Variants in TANGO6 observed in about 807,000 individuals in gnomAD.
TANGO6 encodes transport and golgi organization 6 homolog.
A neutral mutation model predicts 114.2 loss-of-function variants in TANGO6; 90 were observed. That is an observed-to-expected ratio of 0.79 (90% CI 0.66 to 0.94). The LOEUF (loss-of-function observed/expected upper bound fraction) is 0.94. Ranked by LOEUF, TANGO6 falls within the 40% of genes least tolerant of loss-of-function variation. The pLI is 0.00. For missense variants in TANGO6, 1,274 were observed against 1,315.3 expected, an observed-to-expected ratio of 0.97 and a Z score of 0.49; for synonymous variants, 477 against 509.8, an observed-to-expected ratio of 0.94 and a Z score of 0.87.
rs149281308 is a variant in TANGO6, at chr16:69,028,384, C to T, written c.2994+5405C>T. 9.6e-3 allele frequency among the ~76,000 whole-genome samples: 1,463 copies of T among 152,132 alleles called. 24 individuals carry two copies. The highest frequency in any genetic ancestry group is 0.033 in the African/African-American group (1,387 of 41,534). Reference sequence around the variant, plus strand: ...GAGGCCCACGCCTATAATCTCAGCACTTTGGGAGGCCAAGGCAGGCAGATC... The same window carrying T: ...GAGGCCCACGCCTATAATCTCAGCATTTTGGGAGGCCAAGGCAGGCAGATC... On this transcript the variant is annotated intron_variant, in intron 16 of 17. Coordinates refer to ENST00000261778, the MANE Select transcript of TANGO6 (RefSeq NM_024562.2).
chr16:69,000,589 T>TC (rs1437749257), intron 15 of TANGO6, among the ~76,000 whole-genome samples: 1 of 152,022 alleles, frequency 6.6e-6, no homozygotes, highest in Non-Finnish European at 1.5e-5. Context: ...CAAAAATCTT[T>TC]CTTTTTTTTT....
At chr16:68,919,767 G>A (rs113554226) in intron 12 of TANGO6, among the ~76,000 whole-genome samples, 7 of 151,990 alleles carry the variant, frequency 4.6e-5, no homozygotes, top group Admixed American at 1.3e-4. Context: ...GGCCGGGTGC[G>A]GTGGCTCACT....
chr16:69,056,815 G>T (rs1163310100), intron 17 of TANGO6, among the ~76,000 whole-genome samples: 1 of 151,816 alleles, frequency 6.6e-6, no homozygotes, highest in African/African-American at 2.4e-5. Context: ...GAGTATCTGG[G>T]GTTACAGGCG....
intron 1 of TANGO6, among the ~76,000 whole-genome samples, chr16:68,855,777 C>A (rs1567524114): frequency 6.6e-6 from 1 of 150,648 alleles, no homozygotes; most frequent in African/African-American, 2.4e-5. Context: ...CCCAGCTATT[C>A]AGGAGGCTGA....
intron 6 of TANGO6, among the ~76,000 whole-genome samples, chr16:68,879,061 G>T (rs1962415385): frequency 6.6e-6 from 1 of 152,106 alleles, no homozygotes; most frequent in Non-Finnish European, 1.5e-5. Flanking sequence ...GGGCAACAGA[G>T]TGCAACCCTT....
chr16:68,859,821 C>G, intron 1 of TANGO6, 63 bp from the exon 2 acceptor site: 1 of 1,480,154 alleles, frequency 6.8e-7, no homozygotes, highest in Non-Finnish European at 9.0e-7. Context: ...CAGGGCATTC[C>G]ACAGGGGGAA....
intron 15 of TANGO6, among the ~76,000 whole-genome samples, chr16:68,992,009 T>A (rs1029831945): frequency 1.3e-5 from 2 of 151,920 alleles, no homozygotes; most frequent in Non-Finnish European, 1.5e-5. Context: ...CTTTTTTTTT[T>A]AAACATTTAG....
At chr16:68,861,248 C>A (rs1018648009) in intron 2 of TANGO6, among the ~76,000 whole-genome samples, 2 of 152,164 alleles carry the variant, frequency 1.3e-5, no homozygotes, top group African/African-American at 4.8e-5. Flanking sequence ...CCAGCAGAAG[C>A]CGTTAAGATG....
At position 68,889,714 on chromosome 16, in the gene TANGO6, C is replaced by G. The variant is rs966502363; in HGVS notation, c.1377+9084C>G. ...TCAGACTCTCTGGTATGGTGTAGCA[C>G]CTTTGAGCCAGACAGACCTAGGTTG... On this transcript the variant is annotated intron_variant, in intron 7 of 17. Coordinates refer to ENST00000261778, the MANE Select transcript of TANGO6 (RefSeq NM_024562.2). Among the ~76,000 whole-genome samples, 12 of 152,226 alleles carry G rather than the reference C, an allele frequency of 7.9e-5. No homozygotes were observed. The Middle Eastern group carries it at 0.01, about 129-fold the overall frequency.
intron 3 of TANGO6, among the ~76,000 whole-genome samples, chr16:68,865,850 G>A (rs1400055581): frequency 6.6e-6 from 1 of 151,832 alleles, no homozygotes; most frequent in East Asian, 1.9e-4. Flanking sequence ...CCCAGGAGGC[G>A]GAGGTTGCAG....
At chr16:69,062,822 G>A (rs1365200299) in intron 17 of TANGO6, among the ~76,000 whole-genome samples, 4 of 147,168 alleles carry the variant, frequency 2.7e-5, no homozygotes, top group East Asian at 4.1e-4. Context: ...TCAGCCAGGC[G>A]CAGTGCCTCA....
chr16:68,921,118 CAA>C (rs374286269), intron 12 of TANGO6, among the ~76,000 whole-genome samples: 4 of 55,716 alleles, frequency 7.2e-5, no homozygotes, highest in Non-Finnish European at 7.3e-5. Flanking sequence ...GACTCTGTCT[CAA>C]AAAAAAAAAA....
At chr16:68,900,111 A>G (rs1481309335) in intron 7 of TANGO6, 1 of 260,112 alleles carries the variant, frequency 3.8e-6, no homozygotes, top group Non-Finnish European at 7.2e-6. Context: ...ATATGGTTAC[A>G]CAATAGGTAA....
rs564084295 is a variant in TANGO6, at chr16:68,921,478, G to A, written c.2127+2259G>A. On this transcript the variant is annotated intron_variant, in intron 12 of 17. Coordinates refer to ENST00000261778, the MANE Select transcript of TANGO6 (RefSeq NM_024562.2). ...CAGGCATGAGCCACCACGCTCGGCC[G>A]GAATCATTTTTCTTAAGTTGTATTC... 3.3e-5 allele frequency among the ~76,000 whole-genome samples: 5 copies of A among 151,810 alleles called. No homozygotes were observed. In the South Asian group the frequency reaches 6.2e-4, roughly 19 times the overall value.
chr16:68,904,949 G>A (rs763217163), intron 9 of TANGO6, among the ~76,000 whole-genome samples: 11 of 152,086 alleles, frequency 7.2e-5, no homozygotes, highest in Non-Finnish European at 1.3e-4. Context: ...AAGGCCAGGC[G>A]CAGTGGCTCA....
chr16:68,951,706 C>T (rs1234532701), intron 14 of TANGO6, among the ~76,000 whole-genome samples: 2 of 151,756 alleles, frequency 1.3e-5, no homozygotes, highest in Non-Finnish European at 2.9e-5. Flanking sequence ...TCTGCCTTCC[C>T]GGTTCACACC....
chr16:69,045,851 G>A (rs1210918871), intron 17 of TANGO6, among the ~76,000 whole-genome samples: 1 of 149,722 alleles, frequency 6.7e-6, no homozygotes, highest in South Asian at 2.1e-4. Flanking sequence ...GGATCACGAG[G>A]TCAGGAATTC....
intron 12 of TANGO6, among the ~76,000 whole-genome samples, chr16:68,922,167 T>C (rs1377904657): frequency 6.6e-6 from 1 of 151,842 alleles, no homozygotes; most frequent in Non-Finnish European, 1.5e-5. Flanking sequence ...TATTAGAACA[T>C]TGTGTCTGGG....
chr16:69,057,323 C>T (rs1232111386), intron 17 of TANGO6, among the ~76,000 whole-genome samples: 2 of 152,104 alleles, frequency 1.3e-5, no homozygotes, highest in Non-Finnish European at 2.9e-5. Context: ...TACATGACAG[C>T]ACTTATATCT....
Sources: gnomAD v4.1 joint callset for allele counts (sites outside exome capture counted in the v4.1 genomes callset) on GRCh38, gnomAD v4.1.1 for gene constraint, MANE v1.5 for transcripts, NCBI Gene and HGNC (gene_info 2026-07-23, HGNC 2026-07-21) for gene names.